Variants in SDK1 observed in about 807,000 individuals in gnomAD.
The protein encoded by SDK1 is protein sidekick-1.
In SDK1, 157 loss-of-function variants were observed where a neutral mutation model predicts 245.5. The observed-to-expected ratio is 0.64, with a 90% CI of 0.56 to 0.73. The LOEUF (loss-of-function observed/expected upper bound fraction) is 0.73, where lower values mean the gene tolerates loss of function less well. SDK1 is among the 30% of genes least tolerant of loss of function. SDK1 has a pLI of 0.00. For missense variants in SDK1, 3,583 were observed against 3,002.3 expected, an observed-to-expected ratio of 1.19 and a Z score of -4.52; for synonymous variants, 1,647 against 1,278.5, an observed-to-expected ratio of 1.29 and a Z score of -6.15.
At chr7:3,705,888 A>G (rs1784873239) in intron 4 of SDK1, among the ~76,000 whole-genome samples, 1 of 152,252 alleles carries the variant, frequency 6.6e-6, no homozygotes, top group Non-Finnish European at 1.5e-5. Flanking sequence ...TGCAACTGTC[A>G]TGATGTTGGA....
At position 3,959,025 on chromosome 7, in the gene SDK1, A is replaced by G; in HGVS notation, c.1234+11A>G. On this transcript the variant is annotated intron_variant, in intron 8 of 44. Transcript: ENST00000404826. ...GATGTCAAGCCATGGGTGAGTGCAG[A>G]GTGGCTGCTGGACAAGGAGCCATGA... 1.2e-6 allele frequency: 2 copies of G among 1,602,972 alleles called. No homozygotes were observed. The highest frequency in any genetic ancestry group is 1.3e-5 in the African/African-American group (1 of 74,798).
In SDK1 at chr7:3,987,210, C is replaced by T. The variant is rs1350630529; in HGVS notation, c.2019C>T (p.Asn673=). The T allele has an allele frequency of 6.2e-7, 1 of 1,614,162 alleles. No homozygotes were observed. Among genetic ancestry groups the T allele is most frequent in the South Asian group, 1.1e-5 (1 of 91,080 alleles). ...GTGAACTGCCTCATTCACCTCAGAACCTCCTGGTCAGCCCTAATTCTTCCC... is the reference window on the plus strand; with the variant it reads ...GTGAACTGCCTCATTCACCTCAGAATCTCCTGGTCAGCCCTAATTCTTCCC... ...EVIELPHSPQ[N]LLVSPNSSHS... is the part of the protein sequence containing the mutation. The change falls in exon 14 of 45, where the codon AAC becomes AAT. Residue 673 remains asparagine (N), a synonymous_variant. Coordinates refer to ENST00000404826, the MANE Select transcript of SDK1 (RefSeq NM_152744.4).
intron 1 of SDK1, among the ~76,000 whole-genome samples, chr7:3,457,073 G>C (rs1179712647): frequency 2.0e-5 from 3 of 152,198 alleles, no homozygotes; most frequent in African/African-American, 7.2e-5. Context: ...CTGGAAAGAA[G>C]TGCTTCTGAC....
chr7:3,900,407 A>T (rs986028175), intron 5 of SDK1, among the ~76,000 whole-genome samples: 1 of 152,144 alleles, frequency 6.6e-6, no homozygotes, highest in African/African-American at 2.4e-5. Context: ...TTTCATCCCC[A>T]GGTTGGTTAT....
At chr7:4,184,769 T>G (rs1419343720) in intron 35 of SDK1, among the ~76,000 whole-genome samples, 2 of 152,228 alleles carry the variant, frequency 1.3e-5, no homozygotes, top group African/African-American at 2.4e-5. Flanking sequence ...GCCAACAAGC[T>G]TAAGCTGAAA....
chr7:3,942,039 T>C (rs1780388804), intron 5 of SDK1, among the ~76,000 whole-genome samples: 1 of 151,914 alleles, frequency 6.6e-6, no homozygotes, highest in Non-Finnish European at 1.5e-5. Flanking sequence ...CTCCCGTAGC[T>C]GGGACTACAG....
intron 1 of SDK1, among the ~76,000 whole-genome samples, chr7:3,592,599 C>G (rs1780913889): frequency 6.6e-6 from 1 of 152,166 alleles, no homozygotes. Context: ...ATTTTACCCT[C>G]TGTTTACTTA....
chr7:3,407,323 CAG>C (rs931311822), intron 1 of SDK1, among the ~76,000 whole-genome samples: 3 of 152,204 alleles, frequency 2.0e-5, no homozygotes, highest in Admixed American at 6.5e-5. Context: ...TGATTGAAAA[CAG>C]AGCTTTCACA....
chr7:3,412,357 A>T (rs1779233895), intron 1 of SDK1, among the ~76,000 whole-genome samples: 1 of 152,120 alleles, frequency 6.6e-6, no homozygotes, highest in Non-Finnish European at 1.5e-5. Flanking sequence ...AACTGTATAT[A>T]TTCTTCTGCA....
chr7:3,959,906 C>T (rs984404805), intron 8 of SDK1, among the ~76,000 whole-genome samples: 7 of 152,030 alleles, frequency 4.6e-5, no homozygotes, highest in East Asian at 1.9e-4. Flanking sequence ...CGTCTCATGT[C>T]GGGCAGCACA....
chr7:3,498,452 C>T (rs1782091263), intron 1 of SDK1, among the ~76,000 whole-genome samples: 1 of 152,138 alleles, frequency 6.6e-6, no homozygotes, highest in South Asian at 2.1e-4. Flanking sequence ...GTAGCTTTCT[C>T]ATTGCATTTT....
intron 27 of SDK1, among the ~76,000 whole-genome samples, chr7:4,131,165 T>C (rs1372399703): frequency 5.3e-5 from 8 of 152,216 alleles, no homozygotes; most frequent in Admixed American, 1.3e-4. Context: ...AAAGTAAAAA[T>C]GGGCCTATTA....
intron 4 of SDK1, among the ~76,000 whole-genome samples, chr7:3,679,179 G>A (rs556789647): frequency 2.6e-5 from 4 of 152,140 alleles, no homozygotes; most frequent in African/African-American, 7.2e-5. Context: ...CAAACTAGGG[G>A]AAAATATTTG....
rs544329445 is a variant in SDK1, at chr7:4,144,147, G to A, written c.4229-1575G>A. On this transcript the variant is annotated intron_variant, in intron 28 of 44. Transcript: ENST00000404826. ...TGGGGGAAGGGGAGGCGTGGGGGAA[G>A]GGGAGGCCGGGGGAAAGAGCTGGCC... is the stretch of plus-strand genomic sequence containing the variant. Among the ~76,000 whole-genome samples, 3 of 151,624 alleles carry A rather than the reference G, an allele frequency of 2.0e-5. No individual in the cohort carries two copies. The South Asian group carries it at 6.3e-4, about 32-fold the overall frequency.
At chr7:4,145,184 G>T (rs1779875590) in intron 28 of SDK1, among the ~76,000 whole-genome samples, 1 of 152,204 alleles carries the variant, frequency 6.6e-6, no homozygotes, top group South Asian at 2.1e-4. Flanking sequence ...CAAAGAAGGG[G>T]CCGGATGGAC....
intron 1 of SDK1, among the ~76,000 whole-genome samples, chr7:3,346,791 ATG>A (rs375659260): frequency 5.1e-4 from 29 of 56,762 alleles, no homozygotes; most frequent in African/African-American, 1.4e-3. Flanking sequence ...ATATATATGT[ATG>A]TGTGTGTGTG....
chr7:3,876,090 C>T (rs1781070202), intron 5 of SDK1, among the ~76,000 whole-genome samples: 1 of 152,184 alleles, frequency 6.6e-6, no homozygotes, highest in African/African-American at 2.4e-5. Context: ...CTGGCCAGAA[C>T]TGCTGTGGTG....
chr7:3,865,089 T>G (rs556638650), intron 5 of SDK1, among the ~76,000 whole-genome samples: 1 of 152,160 alleles, frequency 6.6e-6, no homozygotes, highest in Admixed American at 6.5e-5. Flanking sequence ...CTCCAGCACG[T>G]TTTACTGACA....
intron 5 of SDK1, among the ~76,000 whole-genome samples, chr7:3,927,298 T>G (rs2128115855): frequency 6.6e-6 from 1 of 152,316 alleles, no homozygotes; most frequent in East Asian, 1.9e-4. Flanking sequence ...TTTTTTAAAT[T>G]CAGGAAATGT....
Sources: gnomAD v4.1 joint callset for allele counts (sites outside exome capture counted in the v4.1 genomes callset) on GRCh38, gnomAD v4.1.1 for gene constraint, MANE v1.5 for transcripts, NCBI Gene and HGNC (gene_info 2026-07-23, HGNC 2026-07-21) for gene names.